The following KATNIP variants were observed in gnomAD, a reference collection of about 807,000 sequenced individuals.
KATNIP encodes katanin interacting protein.
A neutral mutation model predicts 174.0 loss-of-function variants in KATNIP; 126 were observed. That is an observed-to-expected ratio of 0.72 (90% confidence interval 0.63 to 0.84). The LOEUF is 0.84. KATNIP is among the 40% of genes least tolerant of loss of function. The pLI is 0.00. For missense variants in KATNIP, 1,958 were observed against 2,109.7 expected (o/e 0.93, Z 1.41); for synonymous variants, 810 against 835.7 (o/e 0.97, Z 0.53).
intron 8 of KATNIP, among the ~76,000 whole-genome samples, chr16:27,690,363 T>TGATAGATAGATA (rs200443119): frequency 4.4e-5 from 4 of 90,982 alleles, no homozygotes; most frequent in East Asian, 2.7e-4. Flanking sequence ...GATAGATAGA[T>TGATAGATAGATA]GATAGATAGA....
chr16:27,655,677 G>C (rs969757760), intron 6 of KATNIP, among the ~76,000 whole-genome samples: 1 of 152,100 alleles, frequency 6.6e-6, no homozygotes, highest in Non-Finnish European at 1.5e-5. Context: ...CCATCACGAC[G>C]TTAACCCTGT....
At chr16:27,751,264 C>T (rs564681721) in intron 16 of KATNIP, among the ~76,000 whole-genome samples, 1 of 152,286 alleles carries the variant, frequency 6.6e-6, no homozygotes, top group Non-Finnish European at 1.5e-5. Context: ...AGGTCTGGAA[C>T]ATAAATTTCA....
rs1433691839 is a variant in KATNIP, at chr16:27,570,966, A to G, written c.8-2935A>G. Among the ~76,000 whole-genome samples, 3 of 152,066 alleles carry G rather than the reference A, an allele frequency of 2.0e-5. 1 individual carries two copies. Among genetic ancestry groups the G allele is most frequent in the Admixed American group, 2.0e-4 (3 of 15,254 alleles). The stretch of plus-strand genomic sequence containing the variant: ...AATCTTGAAATCCAAGAGAAAGGGG[A>G]AAAAAAAGTTTTCAAATGCATTTTG... On this transcript the variant is annotated intron_variant, in intron 1 of 27. Coordinates refer to ENST00000261588, the MANE Select transcript of KATNIP (RefSeq NM_015202.5).
intron 6 of KATNIP, among the ~76,000 whole-genome samples, chr16:27,656,630 T>G: frequency 6.6e-6 from 1 of 150,550 alleles, no homozygotes; most frequent in East Asian, 1.9e-4. Flanking sequence ...TGAGTTCATG[T>G]CCTTTGTAGG....
intron 2 of KATNIP, among the ~76,000 whole-genome samples, chr16:27,613,784 C>T (rs573596865): frequency 1.3e-5 from 2 of 152,318 alleles, no homozygotes; most frequent in Admixed American, 1.3e-4. Context: ...TGAAATCCAG[C>T]TCTCCCGAGG....
intron 5 of KATNIP, among the ~76,000 whole-genome samples, chr16:27,646,980 A>G (rs570711691): frequency 6.6e-5 from 10 of 152,292 alleles, no homozygotes; most frequent in Non-Finnish European, 1.5e-4. Flanking sequence ...CCTTTGAGGA[A>G]ACACCTAGAA....
chr16:27,654,763 C>T (rs756058244), intron 6 of KATNIP: 9 of 1,351,304 alleles, frequency 6.7e-6, no homozygotes, highest in Admixed American at 1.9e-5. Flanking sequence ...GCATCCTAAC[C>T]CCTAAGGGCT....
In KATNIP at chr16:27,779,909, A is replaced by C. The variant is rs2082630787; in HGVS notation, c.*1280A>C. 6.6e-6 allele frequency: 1 copy of C among 152,124 alleles called. No homozygotes were observed. The highest frequency in any genetic ancestry group is 1.5e-5 in the Non-Finnish European group (1 of 68,038). The allele number at this position is 152,124 out of a possible 1,614,324, so 9.4% of individuals were successfully genotyped here. A position where few individuals can be genotyped will look rare whatever the true frequency, so the allele number is the denominator to read the frequency against. On this transcript the variant is annotated 3_prime_UTR_variant, in exon 28 of 28. Coordinates refer to ENST00000261588, the MANE Select transcript of KATNIP (RefSeq NM_015202.5). ...CGAGAGCCCCGGCAAATACTTCATG[A>C]GCTTAGCAGCCTGGGCTCGAGCAGC...
intron 6 of KATNIP, 82 bp downstream of exon 6, chr16:27,648,817 C>T: frequency 6.9e-7 from 1 of 1,457,196 alleles, no homozygotes; most frequent in Non-Finnish European, 9.4e-7. Flanking sequence ...GGGGCACTTT[C>T]TGACAGTTAT....
At chr16:27,696,826 T>C (rs1047483090) in intron 8 of KATNIP, among the ~76,000 whole-genome samples, 1 of 152,000 alleles carries the variant, frequency 6.6e-6, no homozygotes, top group African/African-American at 2.4e-5. Flanking sequence ...CCTCCTGGGT[T>C]CAAACGATTC....
intron 5 of KATNIP, among the ~76,000 whole-genome samples, chr16:27,632,911 C>T (rs948810958): frequency 4.6e-5 from 7 of 151,958 alleles, no homozygotes; most frequent in African/African-American, 1.2e-4. Flanking sequence ...CCACCACACT[C>T]GGCTGATTTT....
At chr16:27,562,381 A>G (rs1212207173) in intron 1 of KATNIP, among the ~76,000 whole-genome samples, 1 of 152,230 alleles carries the variant, frequency 6.6e-6, no homozygotes, top group Non-Finnish European at 1.5e-5. Context: ...AAATGAATTC[A>G]TCCATCTAAA....
intron 6 of KATNIP, among the ~76,000 whole-genome samples, chr16:27,658,184 C>T (rs189243760): frequency 7.7e-4 from 117 of 152,258 alleles, no homozygotes; most frequent in African/African-American, 2.5e-3. Context: ...CCTTTTTTAA[C>T]GTCCTTATGT....
At chr16:27,629,596 A>G (rs959287911) in intron 4 of KATNIP, among the ~76,000 whole-genome samples, 1 of 152,244 alleles carries the variant, frequency 6.6e-6, no homozygotes, top group African/African-American at 2.4e-5. Context: ...AAAATTCCCA[A>G]CCCAGCCTAG....
In KATNIP at chr16:27,749,729, C is replaced by A; in HGVS notation, c.2769C>A (p.Ile923=). The A allele has an allele frequency of 1.2e-6, 2 of 1,613,250 alleles. No individual in the cohort carries two copies. Among genetic ancestry groups the A allele is most frequent in the Non-Finnish European group, 1.7e-6 (2 of 1,179,602 alleles). The part of the protein sequence containing the change: ...RISNTELPGD[I]LDELLQQKSS... ...CCAACACGGAGCTCCCGGGGGACAT[C>A]CTGGATGAGCTCCTGCAGCAAAAGA... The change falls in exon 16 of 28, where the codon ATC becomes ATA. Residue 923 remains isoleucine (I), a synonymous_variant. Coordinates refer to ENST00000261588, the MANE Select transcript of KATNIP (RefSeq NM_015202.5).
At chr16:27,570,711 T>C (rs1367900353) in intron 1 of KATNIP, among the ~76,000 whole-genome samples, 1 of 152,218 alleles carries the variant, frequency 6.6e-6, no homozygotes, top group East Asian at 1.9e-4. Context: ...GCGTCATCTC[T>C]ACAATGGCCA....
In KATNIP at chr16:27,550,193, C is replaced by T. The variant is rs2089282505; in HGVS notation, c.7+16C>T. Reference sequence around the variant, plus strand: ...GGGATGGACGGTGAGTGTCTGTGGGCCCCTCCGGGAGGTCGGGCTGTTATT... The same window carrying T: ...GGGATGGACGGTGAGTGTCTGTGGGTCCCTCCGGGAGGTCGGGCTGTTATT... On this transcript the variant is annotated intron_variant, in intron 1 of 27. Transcript: ENST00000261588. 3 of 1,608,128 alleles carry T rather than the reference C, an allele frequency of 1.9e-6. No homozygotes were observed. The highest frequency in any genetic ancestry group is 1.7e-5 in the Admixed American group (1 of 59,484).
intron 2 of KATNIP, among the ~76,000 whole-genome samples, chr16:27,595,398 T>TA (rs2075305434): frequency 6.6e-6 from 1 of 152,162 alleles, no homozygotes; most frequent in South Asian, 2.1e-4. Flanking sequence ...CGTACTCACA[T>TA]ACACACACAG....
intron 5 of KATNIP, among the ~76,000 whole-genome samples, chr16:27,642,689 G>C (rs928712797): frequency 6.6e-6 from 1 of 152,118 alleles, no homozygotes; most frequent in Non-Finnish European, 1.5e-5. Context: ...GGCAACATGG[G>C]ACACCAGGGA....
Sources: allele counts gnomAD v4.1 joint callset (sites outside exome capture counted in the v4.1 genomes callset), GRCh38; gene constraint gnomAD v4.1.1; transcripts MANE v1.5; gene names NCBI Gene and HGNC (gene_info 2026-07-23, HGNC 2026-07-21).